The following TMEM132B variants were observed in gnomAD, a reference collection of about 807,000 sequenced individuals.
TMEM132B encodes the protein transmembrane protein 132B.
TMEM132B carries 18 observed loss-of-function variants against 90.8 expected under a neutral mutation model. The ratio of observed to expected loss-of-function variants is 0.20; its 90% CI spans 0.14 to 0.29. The LOEUF is 0.29. Among genes scored for constraint, TMEM132B ranks in the 10% least tolerant of loss-of-function variants. The pLI, the probability that TMEM132B is intolerant of heterozygous loss-of-function variation, is 1.00. For missense variants in TMEM132B, 1,096 were observed against 1,326.8 expected (o/e 0.83, Z 2.70); for synonymous variants, 504 against 523.3 (o/e 0.96, Z 0.50).
At chr12:125,634,747 C>G (rs1256085143) in intron 5 of TMEM132B, among the ~76,000 whole-genome samples, 1 of 152,190 alleles carries the variant, frequency 6.6e-6, no homozygotes, top group African/African-American at 2.4e-5. Context: ...AAGGAGGCCT[C>G]AGGACTCTGA....
At chr12:125,354,191 T>C (rs976543010) in intron 2 of TMEM132B, among the ~76,000 whole-genome samples, 16 of 152,210 alleles carry the variant, frequency 1.1e-4, no homozygotes, top group African/African-American at 3.9e-4. Context: ...GTTTAAACTT[T>C]AGTTGTGGGG....
intron 6 of TMEM132B, among the ~76,000 whole-genome samples, chr12:125,644,588 A>G (rs906609406): frequency 6.6e-6 from 1 of 152,088 alleles, no homozygotes; most frequent in Non-Finnish European, 1.5e-5. Flanking sequence ...GGACATAGCT[A>G]TTTTCTATTC....
intron 5 of TMEM132B, among the ~76,000 whole-genome samples, chr12:125,599,070 C>G (rs1885511121): frequency 6.6e-6 from 1 of 152,118 alleles, no homozygotes. Context: ...GTGTCCCCAC[C>G]CAAATCTCAT....
intron 4 of TMEM132B, among the ~76,000 whole-genome samples, chr12:125,544,493 AT>A (rs563263448): frequency 1.4e-3 from 219 of 152,290 alleles, no homozygotes; most frequent in African/African-American, 5.1e-3. Context: ...CCAACTCTCC[AT>A]GTACCACATT....
At chr12:125,444,179 A>G (rs866899612) in intron 3 of TMEM132B, among the ~76,000 whole-genome samples, 1 of 152,224 alleles carries the variant, frequency 6.6e-6, no homozygotes, top group Non-Finnish European at 1.5e-5. Flanking sequence ...TTCATGTTTT[A>G]TAGTTTGCAT....
At chr12:125,555,720 AAAT>A (rs1884366767) in intron 4 of TMEM132B, among the ~76,000 whole-genome samples, 3 of 149,828 alleles carry the variant, frequency 2.0e-5, no homozygotes, top group African/African-American at 2.4e-5. Context: ...TAGTAAAAAA[AAAT>A]ATATATATAT....
Position 125,574,207 on chromosome 12 carries a change from A to G in TMEM132B, c.1294-9644A>G, listed in dbSNP as rs138354376. ...ATCAATCAGAGATTCCTTATTTCCT[A>G]CATTCTTCTCTGTAAAGTGAAAGTA... On this transcript the variant is annotated intron_variant, in intron 4 of 8. Coordinates refer to ENST00000682704, the MANE Select transcript of TMEM132B (RefSeq NM_001366854.1). Among the ~76,000 whole-genome samples, 891 of 151,610 alleles carry G rather than the reference A, an allele frequency of 5.9e-3. 5 individuals are homozygous for G. The highest frequency in any genetic ancestry group is 0.021 in the African/African-American group (851 of 41,330).
At chr12:125,384,610 C>T (rs916205917) in intron 2 of TMEM132B, among the ~76,000 whole-genome samples, 1 of 152,132 alleles carries the variant, frequency 6.6e-6, no homozygotes, top group Non-Finnish European at 1.5e-5. Context: ...TCATTCTATG[C>T]AGTAGATCAC....
At chr12:125,571,897 C>G (rs75014113) in intron 4 of TMEM132B, among the ~76,000 whole-genome samples, 1 of 152,154 alleles carries the variant, frequency 6.6e-6, no homozygotes, top group East Asian at 1.9e-4. Context: ...CAAATTTTAT[C>G]TATTATTGCA....
At chr12:125,378,890 G>A (rs1222670050) in intron 2 of TMEM132B, among the ~76,000 whole-genome samples, 1 of 152,174 alleles carries the variant, frequency 6.6e-6, no homozygotes, top group Admixed American at 6.5e-5. Context: ...GCTCATATGG[G>A]GAGAAGGACA....
chr12:125,620,007 C>T (rs912051138), intron 5 of TMEM132B, among the ~76,000 whole-genome samples: 2 of 152,124 alleles, frequency 1.3e-5, no homozygotes, highest in African/African-American at 4.8e-5. Context: ...GAGGTGCTGT[C>T]ATTCTGGGAC....
chr12:125,492,460 G>A lies in TMEM132B; in HGVS notation c.1107-26979G>A, dbSNP rs913876531. On this transcript the variant is annotated intron_variant, in intron 3 of 8. Coordinates refer to ENST00000682704, the MANE Select transcript of TMEM132B (RefSeq NM_001366854.1). This position sits in a 1 kb window ranked among gnomAD's most constrained non-coding sequence, Gnocchi z 5.8. Reference sequence around the variant, plus strand: ...TGCACGGCTGCTTTGCAGGGGCCCCGACTGCTCCTTCCTGGGATGTGCCGC... The same window carrying A: ...TGCACGGCTGCTTTGCAGGGGCCCCAACTGCTCCTTCCTGGGATGTGCCGC... Among the ~76,000 whole-genome samples, 10 of 152,102 alleles carry A rather than the reference G, an allele frequency of 6.6e-5. No individual in the cohort carries two copies. Among genetic ancestry groups the A allele is most frequent in the South Asian group, 2.1e-4 (1 of 4,824 alleles).
chr12:125,517,326 GATTTTTTTTTTTTTTTTTTTT>G (rs1173237161), intron 3 of TMEM132B, among the ~76,000 whole-genome samples: 4,549 of 88,016 alleles, frequency 0.052, 792 homozygotes, highest in African/African-American at 0.16. Flanking sequence ...ATGCCCTGCT[GATTTTTTTTTTTTTTTTTTTT>G]TTTTTTTTTT....
At chr12:125,424,053 A>G (rs1037188178) in intron 3 of TMEM132B, among the ~76,000 whole-genome samples, 2 of 152,246 alleles carry the variant, frequency 1.3e-5, no homozygotes, top group Non-Finnish European at 2.9e-5. Context: ...TTTTTAAAGT[A>G]TAATATTCTA....
intron 3 of TMEM132B, among the ~76,000 whole-genome samples, chr12:125,451,070 A>C (rs1881136772): frequency 6.6e-6 from 1 of 152,186 alleles, no homozygotes; most frequent in South Asian, 2.1e-4. Flanking sequence ...AAGTGTTCCA[A>C]ATTAAAGGAG....
chr12:125,511,648 C>T (rs914669822), intron 3 of TMEM132B, among the ~76,000 whole-genome samples: 10 of 151,436 alleles, frequency 6.6e-5, no homozygotes, highest in Admixed American at 1.3e-4. Flanking sequence ...GTTAGGAGAT[C>T]GAGAGCATCC....
intron 1 of TMEM132B, among the ~76,000 whole-genome samples, chr12:125,219,303 TC>T (rs1873508131): frequency 6.6e-6 from 1 of 152,226 alleles, no homozygotes; most frequent in Non-Finnish European, 1.5e-5. Flanking sequence ...TCTATTATCT[TC>T]CTTGAAGCCC....
At position 125,432,397 on chromosome 12, in the gene TMEM132B, A is replaced by ATATGTATG. The variant is rs768917407; in HGVS notation, c.1106+16721_1106+16722insATGTATGT. Among the ~76,000 whole-genome samples, 408 of 68,318 alleles carry ATATGTATG rather than the reference A, an allele frequency of 6.0e-3. 133 individuals carry two copies. The highest frequency in any genetic ancestry group is 0.022 in the African/African-American group (345 of 15,436). 44.8% of individuals were successfully genotyped at this position (68,318 alleles called of 152,430 possible). On this transcript the variant is annotated intron_variant, in intron 3 of 8. Transcript: ENST00000682704. ...TATATATATATATATATATATATAT[A>ATATGTATG]TGTATGTATGTGTATATATATATAT... is the stretch of plus-strand genomic sequence containing the variant.
chr12:125,310,477 C>G (rs1475481430), intron 1 of TMEM132B, among the ~76,000 whole-genome samples: 1 of 152,184 alleles, frequency 6.6e-6, no homozygotes. Context: ...GTGCAGAGCT[C>G]TTGAGTAAGC....
Sources: gnomAD v4.1 joint callset for allele counts (sites outside exome capture counted in the v4.1 genomes callset) on GRCh38, gnomAD v4.1.1 for gene constraint, Gnocchi (gnomAD v3.1) non-coding constraint, MANE v1.5 for transcripts, NCBI Gene and HGNC (gene_info 2026-07-23, HGNC 2026-07-21) for gene names.